The following GRK5 variants were observed in gnomAD, a reference collection of about 807,000 sequenced individuals.
The protein encoded by GRK5 is G protein-coupled receptor kinase 5.
Under a neutral mutation model 78.4 loss-of-function variants are expected in GRK5, and 40 were observed. The observed-to-expected ratio is 0.51, with a 90% confidence interval of 0.40 to 0.66. GRK5 has a LOEUF of 0.66. Among genes scored for constraint, GRK5 ranks in the 30% least tolerant of loss-of-function variants. GRK5 has a pLI of 0.00. For missense variants in GRK5, 598 were observed against 759.9 expected (o/e 0.79, Z 2.50); for synonymous variants, 289 against 296.8 (o/e 0.97, Z 0.27).
At chr10:119,248,936 G>A (rs1849155417) in intron 1 of GRK5, among the ~76,000 whole-genome samples, 1 of 152,068 alleles carries the variant, frequency 6.6e-6, no homozygotes, top group Non-Finnish European at 1.5e-5. Flanking sequence ...CCTAGGGCAA[G>A]TTACTAATCT....
chr10:119,267,579 G>T lies in GRK5; in HGVS notation c.53-58937G>T, dbSNP rs1191411807. Among the ~76,000 whole-genome samples the T allele has an allele frequency of 6.6e-6, 1 of 152,192 alleles. No individual in the cohort carries two copies. The highest frequency in any genetic ancestry group is 2.4e-5 in the African/African-American group (1 of 41,438). ...AAGGGGCTGGAGGCTCAGCGGACGG[G>T]CCCTGTTTTAGGGATTGAGGACATG... On this transcript the variant is annotated intron_variant, in intron 1 of 15. Coordinates refer to ENST00000392870, the MANE Select transcript of GRK5 (RefSeq NM_005308.3). The surrounding 1 kb of genome is among the most constrained non-coding windows in gnomAD (Gnocchi z 4.1).
intron 8 of GRK5, among the ~76,000 whole-genome samples, chr10:119,434,437 T>A (rs1341901470): frequency 6.6e-6 from 1 of 152,232 alleles, no homozygotes; most frequent in Admixed American, 6.5e-5. Context: ...GGTACAGGCA[T>A]TGGGTAAATA....
At chr10:119,258,814 A>G (rs911626574) in intron 1 of GRK5, among the ~76,000 whole-genome samples, 8 of 152,324 alleles carry the variant, frequency 5.3e-5, no homozygotes, top group South Asian at 2.1e-4. Flanking sequence ...GTATGTCATC[A>G]GGCAGGAAGC....
At chr10:119,402,783 C>T (rs1450040470) in intron 4 of GRK5, among the ~76,000 whole-genome samples, 2 of 152,078 alleles carry the variant, frequency 1.3e-5, no homozygotes, top group East Asian at 1.9e-4. Context: ...GAACCAGGGA[C>T]GGGGAGGTTG....
At chr10:119,258,178 G>A (rs1008510278) in intron 1 of GRK5, among the ~76,000 whole-genome samples, 1 of 152,162 alleles carries the variant, frequency 6.6e-6, no homozygotes, top group African/African-American at 2.4e-5. Context: ...GTCTTTACAA[G>A]AATGTCATAT....
At chr10:119,227,820 GGTTCTTTCAAACATTAC>G (rs1848764901) in intron 1 of GRK5, among the ~76,000 whole-genome samples, 1 of 152,166 alleles carries the variant, frequency 6.6e-6, no homozygotes, top group Admixed American at 6.5e-5. Flanking sequence ...TGGGTGAATA[GGTTCTTTCAAACATTAC>G]GATCTTGTTG....
rs146095002 is a variant in GRK5 at position 119,278,422 on chromosome 10, G to A, written c.53-48094G>A. On this transcript the variant is annotated intron_variant, in intron 1 of 15. Transcript: ENST00000392870. ...CTGTAGGGCTGGCAAGCTGTGTGGCGAGTCCCTTATCCAATGTCGCTGTGT... is the reference window on the plus strand; with the variant it reads ...CTGTAGGGCTGGCAAGCTGTGTGGCAAGTCCCTTATCCAATGTCGCTGTGT... Among the ~76,000 whole-genome samples, 11 of 152,184 alleles carry A rather than the reference G, an allele frequency of 7.2e-5. No homozygotes were observed. The East Asian group carries it at 2.1e-3, about 29-fold the overall frequency.
chr10:119,278,028 G>A (rs1208251502), intron 1 of GRK5, among the ~76,000 whole-genome samples: 1 of 152,200 alleles, frequency 6.6e-6, no homozygotes, highest in Non-Finnish European at 1.5e-5. Context: ...TCTCTCTATG[G>A]ACAGAGATTT....
At chr10:119,410,008 T>C (rs1452667247) in intron 4 of GRK5, among the ~76,000 whole-genome samples, 1 of 152,250 alleles carries the variant, frequency 6.6e-6, no homozygotes, top group Non-Finnish European at 1.5e-5. Flanking sequence ...ATCCCACTCC[T>C]GCTGCTGCTC....
chr10:119,313,781 G>A (rs1850437062), intron 1 of GRK5, among the ~76,000 whole-genome samples: 1 of 152,116 alleles, frequency 6.6e-6, no homozygotes, highest in African/African-American at 2.4e-5. Context: ...GTGCTGGGAG[G>A]GGCCCTGTCC....
At chr10:119,296,104 A>AG (rs1850075165) in intron 1 of GRK5, among the ~76,000 whole-genome samples, 1 of 152,232 alleles carries the variant, frequency 6.6e-6, no homozygotes, top group Admixed American at 6.5e-5. Context: ...GCAGCTCAGC[A>AG]GTGCCATCAA....
intron 1 of GRK5, among the ~76,000 whole-genome samples, chr10:119,294,843 A>G (rs1850050527): frequency 6.6e-6 from 1 of 152,196 alleles, no homozygotes; most frequent in East Asian, 1.9e-4. Context: ...TAGTCTTGAC[A>G]GAGACCATGT....
Position 119,279,965 on chromosome 10 carries a change from A to C in GRK5, c.53-46551A>C, listed in dbSNP as rs111478473. ...CAACCTGGCTACACTGGCTCTTTTC[A>C]TCCTTGAATTCCTGCCTCAGGAACC... On this transcript the variant is annotated intron_variant, in intron 1 of 15. Coordinates refer to ENST00000392870, the MANE Select transcript of GRK5 (RefSeq NM_005308.3). Among the ~76,000 whole-genome samples the C allele has an allele frequency of 1.6e-3, 240 of 152,198 alleles. 2 individuals are homozygous for C. Among genetic ancestry groups the C allele is most frequent in the African/African-American group, 5.6e-3 (231 of 41,516 alleles).
intron 1 of GRK5, among the ~76,000 whole-genome samples, chr10:119,307,400 A>C (rs1477051774): frequency 6.6e-6 from 1 of 152,106 alleles, no homozygotes; most frequent in Admixed American, 6.5e-5. Flanking sequence ...GGCTGTTGAG[A>C]TGGAGAGGTT....
chr10:119,261,307 G>A (rs1301001772), intron 1 of GRK5, among the ~76,000 whole-genome samples: 3 of 144,038 alleles, frequency 2.1e-5, no homozygotes, highest in Admixed American at 6.9e-5. Context: ...ACAGGGCGGC[G>A]GGGCAGAGAC....
intron 1 of GRK5, among the ~76,000 whole-genome samples, chr10:119,315,899 G>A (rs748932173): frequency 5.0e-4 from 76 of 152,208 alleles, no homozygotes; most frequent in Admixed American, 1.2e-3. Flanking sequence ...ATTCATAGTC[G>A]AAAGACCCCG....
At chr10:119,340,351 T>C (rs1299062313) in intron 2 of GRK5, among the ~76,000 whole-genome samples, 1 of 152,208 alleles carries the variant, frequency 6.6e-6, no homozygotes, top group East Asian at 1.9e-4. Flanking sequence ...GGTCTTGAAC[T>C]CTTGGCCTCA....
At chr10:119,342,648 G>C (rs1197943335) in intron 2 of GRK5, among the ~76,000 whole-genome samples, 1 of 152,164 alleles carries the variant, frequency 6.6e-6, no homozygotes, top group African/African-American at 2.4e-5. Flanking sequence ...GTGGTTGCCA[G>C]GTCCCGCCAG....
rs963100031 is a variant in GRK5 at position 119,314,664 on chromosome 10, C to G, written c.53-11852C>G. On this transcript the variant is annotated intron_variant, in intron 1 of 15. Transcript: ENST00000392870. ...CAGAGGCACTGCACAAGCCCCATCT[C>G]GAGAGATTCTGGGTCACAGGTATTT... 3.9e-5 allele frequency among the ~76,000 whole-genome samples: 6 copies of G among 152,230 alleles called. 1 individual carries two copies. The highest frequency in any genetic ancestry group is 7.3e-5 in the Non-Finnish European group (5 of 68,034).
Sources: allele counts gnomAD v4.1 joint callset (sites outside exome capture counted in the v4.1 genomes callset), GRCh38; gene constraint gnomAD v4.1.1; non-coding constraint Gnocchi (gnomAD v3.1); transcripts MANE v1.5; gene names NCBI Gene and HGNC (gene_info 2026-07-23, HGNC 2026-07-21).